Variants in CNTNAP2 observed in about 807,000 individuals in gnomAD.
CNTNAP2 encodes contactin associated protein 2.
CNTNAP2 carries 98 observed loss-of-function variants against 155.2 expected under a neutral mutation model. That is an observed-to-expected ratio of 0.63 (90% CI 0.54 to 0.75). CNTNAP2 has a LOEUF of 0.75. Among genes scored for constraint, CNTNAP2 ranks in the 30% least tolerant of loss-of-function variants. The pLI is 0.00. For synonymous variants in CNTNAP2, 651 were observed against 631.2 expected (o/e 1.03, Z -0.47); for missense variants, 1,727 against 1,688.1 (o/e 1.02, Z -0.40).
chr7:147,402,889 A>G (rs1796940600), intron 10 of CNTNAP2, among the ~76,000 whole-genome samples: 1 of 151,496 alleles, frequency 6.6e-6, no homozygotes, highest in African/African-American at 2.4e-5. Context: ...CAAATATAAA[A>G]TTCTAAGCCA....
At chr7:146,217,772 T>C (rs555055474) in intron 1 of CNTNAP2, among the ~76,000 whole-genome samples, 44 of 152,246 alleles carry the variant, frequency 2.9e-4, no homozygotes, top group African/African-American at 1.0e-3. Flanking sequence ...TCCAGGGTAA[T>C]TGAAGCCTCC....
At chr7:147,440,636 G>A (rs915676853) in intron 10 of CNTNAP2, among the ~76,000 whole-genome samples, 1 of 152,046 alleles carries the variant, frequency 6.6e-6, no homozygotes, top group Non-Finnish European at 1.5e-5. Flanking sequence ...AGCATTTCTT[G>A]CAGGACAGAT....
At chr7:146,340,218 T>C (rs1240063391) in intron 1 of CNTNAP2, among the ~76,000 whole-genome samples, 6 of 134,024 alleles carry the variant, frequency 4.5e-5, no homozygotes, top group Admixed American at 4.5e-4. Context: ...AAGAGAGAAA[T>C]GAATCATATT....
chr7:147,764,383 G>A lies in CNTNAP2; in HGVS notation c.2098+125077G>A, dbSNP rs1343149604. Reference sequence around the variant, plus strand: ...AATACCTAATTTTCAGCTATAAGCTGAAAGCACACTCCAAATACCTAATTT... The same window carrying A: ...AATACCTAATTTTCAGCTATAAGCTAAAAGCACACTCCAAATACCTAATTT... On this transcript the variant is annotated intron_variant, in intron 13 of 23. Transcript: ENST00000361727. Among the ~76,000 whole-genome samples the A allele has an allele frequency of 2.6e-5, 4 of 152,152 alleles. No individual in the cohort carries two copies. The East Asian group carries it at 5.8e-4, about 22-fold the overall frequency.
intron 11 of CNTNAP2, among the ~76,000 whole-genome samples, chr7:147,513,880 C>T (rs146945542): frequency 6.6e-6 from 1 of 152,224 alleles, no homozygotes; most frequent in East Asian, 1.9e-4. Context: ...CAGACAAGAA[C>T]AGGATCAGAC....
At chr7:147,515,554 C>T (rs563078329) in intron 11 of CNTNAP2, among the ~76,000 whole-genome samples, 2 of 152,100 alleles carry the variant, frequency 1.3e-5, no homozygotes, top group South Asian at 4.2e-4. Flanking sequence ...ATCTCTTGAC[C>T]TCGTGATCTG....
chr7:147,316,432 A>G (rs1217523944), intron 9 of CNTNAP2, among the ~76,000 whole-genome samples: 2 of 152,172 alleles, frequency 1.3e-5, no homozygotes, highest in Non-Finnish European at 2.9e-5. Flanking sequence ...TCAAGGGACA[A>G]GTTAGAAATC....
At chr7:146,153,612 C>T (rs1798082500) in intron 1 of CNTNAP2, among the ~76,000 whole-genome samples, 1 of 152,110 alleles carries the variant, frequency 6.6e-6, no homozygotes, top group African/African-American at 2.4e-5. Context: ...CTGATTTGCT[C>T]TATCTCATAT....
At chr7:147,415,513 C>T (rs933362992) in intron 10 of CNTNAP2, among the ~76,000 whole-genome samples, 10 of 152,210 alleles carry the variant, frequency 6.6e-5, no homozygotes, top group African/African-American at 1.9e-4. Context: ...CATCACTTCT[C>T]CTTCCTGCCG....
At chr7:147,517,198 G>A (rs1799143752) in intron 11 of CNTNAP2, among the ~76,000 whole-genome samples, 2 of 151,962 alleles carry the variant, frequency 1.3e-5, no homozygotes, top group Non-Finnish European at 2.9e-5. Flanking sequence ...TTAAGATTTG[G>A]AATCAGTCTT....
chr7:148,155,122 T>C (rs185190716), intron 17 of CNTNAP2, among the ~76,000 whole-genome samples: 4 of 152,260 alleles, frequency 2.6e-5, no homozygotes, highest in East Asian at 1.9e-4. Flanking sequence ...GTCTATAACA[T>C]AGATAACATT....
In CNTNAP2 at chr7:146,664,756, G is replaced by A. The variant is rs570204837; in HGVS notation, c.98-109515G>A. Among the ~76,000 whole-genome samples the A allele has an allele frequency of 6.4e-4, 97 of 152,178 alleles. 1 individual carries two copies. The highest frequency in any genetic ancestry group is 3.4e-3 in the Middle Eastern group (1 of 294). On this transcript the variant is annotated intron_variant, in intron 1 of 23. Coordinates refer to ENST00000361727, the MANE Select transcript of CNTNAP2 (RefSeq NM_014141.6). Reference sequence around the variant, plus strand: ...GTGTTGGAAAAAATTCACTATTGAAGTCATTTGAACCTCAAGTTTACTTTT... The same window carrying A: ...GTGTTGGAAAAAATTCACTATTGAAATCATTTGAACCTCAAGTTTACTTTT...
At chr7:147,495,769 C>T (rs1430712012) in intron 11 of CNTNAP2, among the ~76,000 whole-genome samples, 1 of 152,142 alleles carries the variant, frequency 6.6e-6, no homozygotes, top group Non-Finnish European at 1.5e-5. Flanking sequence ...CGTGAAACAA[C>T]TTATATCCAT....
chr7:147,183,200 C>CA (rs946012042), intron 8 of CNTNAP2, among the ~76,000 whole-genome samples: 6 of 150,740 alleles, frequency 4.0e-5, no homozygotes, highest in Non-Finnish European at 7.4e-5. Flanking sequence ...AATTAAAATA[C>CA]AAAAAAATCA....
At chr7:146,127,967 T>A (rs1487803557) in intron 1 of CNTNAP2, among the ~76,000 whole-genome samples, 1 of 152,194 alleles carries the variant, frequency 6.6e-6, no homozygotes, top group Non-Finnish European at 1.5e-5. Flanking sequence ...TAGTTACTTC[T>A]ATTCTATTTG....
At chr7:147,139,386 T>A (rs1446805892) in intron 8 of CNTNAP2, among the ~76,000 whole-genome samples, 4 of 152,128 alleles carry the variant, frequency 2.6e-5, no homozygotes, top group Non-Finnish European at 5.9e-5. Context: ...GTGTCTAATT[T>A]TGTTTCAAAT....
At chr7:146,856,455 C>T (rs915692196) in intron 3 of CNTNAP2, among the ~76,000 whole-genome samples, 1 of 152,022 alleles carries the variant, frequency 6.6e-6, no homozygotes, top group Non-Finnish European at 1.5e-5. Context: ...GAACTCAAGT[C>T]ATCATTTGCA....
At chr7:147,921,496 T>C (rs73462179) in intron 14 of CNTNAP2, among the ~76,000 whole-genome samples, 4,668 of 152,322 alleles carry the variant, frequency 0.031, 255 homozygotes, top group African/African-American at 0.11. Flanking sequence ...CAATAGTCAA[T>C]TGTAAAATAG....
intron 14 of CNTNAP2, among the ~76,000 whole-genome samples, chr7:147,935,048 A>G (rs1469159138): frequency 6.6e-6 from 1 of 152,048 alleles, no homozygotes; most frequent in Non-Finnish European, 1.5e-5. Flanking sequence ...CTTTGGTCAT[A>G]CAGTTTAGAA....
Sources: allele counts gnomAD v4.1 joint callset (sites outside exome capture counted in the v4.1 genomes callset), GRCh38; gene constraint gnomAD v4.1.1; transcripts MANE v1.5; gene names NCBI Gene and HGNC (gene_info 2026-07-23, HGNC 2026-07-21).